The following CDK8 variants were observed in gnomAD, a reference collection of about 807,000 sequenced individuals.
CDK8 encodes the protein cyclin-dependent kinase 8.
Under a neutral mutation model 71.5 loss-of-function variants are expected in CDK8, and 29 were observed. The observed-to-expected ratio is 0.41, with a 90% CI of 0.30 to 0.55. The LOEUF is 0.55. CDK8 is among the 20% of genes least tolerant of loss of function. CDK8 has a pLI of 0.37. For missense variants in CDK8, 288 were observed against 572.6 expected (o/e 0.50, Z 5.07); for synonymous variants, 161 against 192.1 (o/e 0.84, Z 1.34).
chr13:26,321,452 TG>T (rs747444162), intron 1 of CDK8, among the ~76,000 whole-genome samples: 1 of 141,838 alleles, frequency 7.1e-6, no homozygotes, highest in Non-Finnish European at 1.5e-5. Flanking sequence ...GTTCTGGAGA[TG>T]GATGGTGGTG....
At chr13:26,308,344 A>G (rs1004179743) in intron 1 of CDK8, among the ~76,000 whole-genome samples, 5 of 152,212 alleles carry the variant, frequency 3.3e-5, no homozygotes, top group East Asian at 1.9e-4. Flanking sequence ...GGTAGACACC[A>G]AAGTCCTCTT....
intron 1 of CDK8, among the ~76,000 whole-genome samples, chr13:26,284,508 A>G (rs1872906926): frequency 6.6e-6 from 1 of 152,168 alleles, no homozygotes; most frequent in Non-Finnish European, 1.5e-5. Flanking sequence ...TGTGAGCACA[A>G]ACTAGAAAAT....
At chr13:26,345,588 G>A (rs1873430954) in intron 2 of CDK8, among the ~76,000 whole-genome samples, 1 of 152,110 alleles carries the variant, frequency 6.6e-6, no homozygotes, top group South Asian at 2.1e-4. Context: ...TCACCATGTT[G>A]GCCAGGCTGG....
At chr13:26,309,058 T>TA (rs947914633) in intron 1 of CDK8, among the ~76,000 whole-genome samples, 35 of 152,268 alleles carry the variant, frequency 2.3e-4, no homozygotes, top group African/African-American at 7.7e-4. Context: ...TTCCTGTACT[T>TA]ACGACAGTGC....
chr13:26,293,251 A>G (rs1411392886), intron 1 of CDK8, among the ~76,000 whole-genome samples: 1 of 152,116 alleles, frequency 6.6e-6, no homozygotes. Context: ...CCTTACTTAT[A>G]TTTCATGGAT....
chr13:26,298,676 C>G (rs890465136), intron 1 of CDK8, among the ~76,000 whole-genome samples: 1 of 152,064 alleles, frequency 6.6e-6, no homozygotes, highest in South Asian at 2.1e-4. Flanking sequence ...ATTAGTTGTG[C>G]GAAAACCATT....
intron 2 of CDK8, among the ~76,000 whole-genome samples, chr13:26,346,325 G>C (rs1343475483): frequency 6.6e-6 from 1 of 152,178 alleles, no homozygotes; most frequent in East Asian, 1.9e-4. Flanking sequence ...TTTGAATACA[G>C]GAGTGAAGTG....
chr13:26,324,960 A>G (rs1466603169), intron 1 of CDK8: 1 of 164,354 alleles, frequency 6.1e-6, no homozygotes, highest in East Asian at 1.9e-4. Flanking sequence ...CTGTTTCTCC[A>G]AACAAGGTAA....
intron 1 of CDK8, among the ~76,000 whole-genome samples, chr13:26,255,383 G>A (rs926500964): frequency 2.0e-5 from 3 of 152,230 alleles, no homozygotes; most frequent in Non-Finnish European, 4.4e-5. Context: ...TTGGTGCAGG[G>A]TGGGTGGTGG....
intron 1 of CDK8, among the ~76,000 whole-genome samples, chr13:26,319,573 G>A (rs1411217507): frequency 4.0e-5 from 6 of 151,852 alleles, no homozygotes; most frequent in Admixed American, 6.6e-5. Flanking sequence ...GACATAAGTC[G>A]ATGGAAACAT....
chr13:26,312,050 G>A (rs376659996), intron 1 of CDK8, among the ~76,000 whole-genome samples: 23 of 152,172 alleles, frequency 1.5e-4, no homozygotes, highest in African/African-American at 4.1e-4. Flanking sequence ...TTCCTGGGTC[G>A]AGTGGGGACT....
At chr13:26,266,433 G>T (rs1219009926) in intron 1 of CDK8, among the ~76,000 whole-genome samples, 1 of 152,076 alleles carries the variant, frequency 6.6e-6, no homozygotes, top group African/African-American at 2.4e-5. Flanking sequence ...AAAACCCAAG[G>T]TTGCCATATT....
intron 1 of CDK8, among the ~76,000 whole-genome samples, chr13:26,273,501 T>C (rs561528864): frequency 6.6e-6 from 1 of 152,224 alleles, no homozygotes; most frequent in South Asian, 2.1e-4. Flanking sequence ...TAAATCTTTA[T>C]TTTAATCACT....
At chr13:26,367,850 A>G (rs373592533) in intron 4 of CDK8, among the ~76,000 whole-genome samples, 2 of 152,318 alleles carry the variant, frequency 1.3e-5, no homozygotes, top group East Asian at 3.9e-4. Context: ...CACAATTGGC[A>G]ATTGGTCCTT....
chr13:26,292,463 A>G (rs1438032423), intron 1 of CDK8, among the ~76,000 whole-genome samples: 1 of 152,196 alleles, frequency 6.6e-6, no homozygotes, highest in Non-Finnish European at 1.5e-5. Context: ...TTCTTATTCC[A>G]ACTAATAAGA....
rs183855375 is a variant in CDK8, at chr13:26,254,910, T to C, written c.128+141T>C. The stretch of plus-strand genomic sequence containing the variant: ...CGGCCTCTGGCTCCGCCAGCCAGGT[T>C]TGGGGAGGAAGTGGTGTACGAGGGA... On this transcript the variant is annotated intron_variant, in intron 1 of 12. Coordinates refer to ENST00000381527, the MANE Select transcript of CDK8 (RefSeq NM_001260.3). This position sits in a 1 kb window ranked among gnomAD's most constrained non-coding sequence, Gnocchi z 6.7. 1,271 of 1,251,702 alleles carry C rather than the reference T, an allele frequency of 1.0e-3. 21 individuals carry two copies. The East Asian group carries it at 0.025, about 25-fold the overall frequency. 77.5% of individuals were successfully genotyped at this position (1,251,702 alleles called of 1,614,324 possible).
intron 4 of CDK8, among the ~76,000 whole-genome samples, chr13:26,367,565 G>A (rs1874450227): frequency 6.6e-6 from 1 of 152,094 alleles, no homozygotes; most frequent in Admixed American, 6.5e-5. Context: ...TTTCCTTTGG[G>A]TAGAGATTGA....
chr13:26,324,819 T>C (rs1217855175), intron 1 of CDK8: 10 of 886,112 alleles, frequency 1.1e-5, no homozygotes, highest in Non-Finnish European at 1.2e-5. Flanking sequence ...GAAAGACTGA[T>C]TGGTAAGTAA....
At chr13:26,327,853 T>C (rs1179731308) in intron 1 of CDK8, among the ~76,000 whole-genome samples, 1 of 151,474 alleles carries the variant, frequency 6.6e-6, no homozygotes, top group East Asian at 1.9e-4. Flanking sequence ...AGAAAGAAAA[T>C]AATGCAAGAA....
Sources: gnomAD v4.1 joint callset for allele counts (sites outside exome capture counted in the v4.1 genomes callset) on GRCh38, gnomAD v4.1.1 for gene constraint, Gnocchi (gnomAD v3.1) non-coding constraint, MANE v1.5 for transcripts, NCBI Gene and HGNC (gene_info 2026-07-23, HGNC 2026-07-21) for gene names.